The following CUL1 variants were observed in gnomAD, a reference collection of about 807,000 sequenced individuals.
The protein encoded by CUL1 is cullin 1.
CUL1 carries 24 observed loss-of-function variants against 118.0 expected under a neutral mutation model. The observed-to-expected ratio is 0.20, with a 90% CI of 0.15 to 0.29. CUL1 has a LOEUF of 0.29. Among genes scored for constraint, CUL1 ranks in the 10% least tolerant of loss-of-function variants. The pLI is 1.00. For synonymous variants in CUL1, 332 were observed against 340.4 expected (o/e 0.98, Z 0.27); for missense variants, 361 against 933.8 (o/e 0.39, Z 7.99).
chr7:148,786,875 T>C (rs1800832720), intron 12 of CUL1, 114 bp from the exon 13 acceptor site: 1 of 1,418,806 alleles, frequency 7.0e-7, no homozygotes, highest in Non-Finnish European at 9.5e-7. Flanking sequence ...CGTACAGACC[T>C]GCCCAAAGCC....
At chr7:148,773,499 G>A (rs1459930597) in intron 9 of CUL1, among the ~76,000 whole-genome samples, 1 of 152,184 alleles carries the variant, frequency 6.6e-6, no homozygotes, top group Non-Finnish European at 1.5e-5. Flanking sequence ...CACCATGGGT[G>A]GTACAGCCCT....
intron 1 of CUL1, among the ~76,000 whole-genome samples, chr7:148,707,356 C>CT (rs1294858141): frequency 3.0e-4 from 45 of 152,154 alleles, no homozygotes; most frequent in Middle Eastern, 6.8e-3. Context: ...TTGCTTCACC[C>CT]TAGTCCTTGT....
intron 16 of CUL1, 101 bp from the exon 17 acceptor site, chr7:148,792,625 G>T: frequency 3.0e-6 from 2 of 673,540 alleles, no homozygotes; most frequent in Non-Finnish European, 4.8e-6. Flanking sequence ...TAAAGAATTT[G>T]TTTCATAAAT....
chr7:148,747,732 G>A (rs1425233375), intron 2 of CUL1, among the ~76,000 whole-genome samples: 1 of 152,176 alleles, frequency 6.6e-6, no homozygotes, highest in Non-Finnish European at 1.5e-5. Flanking sequence ...AAACAAGACA[G>A]GTTTTTAAAA....
chr7:148,731,148 C>A (rs950206595), intron 2 of CUL1, among the ~76,000 whole-genome samples: 1 of 152,180 alleles, frequency 6.6e-6, no homozygotes, highest in African/African-American at 2.4e-5. Context: ...GGAAAAGATG[C>A]GGCTCCCACT....
At position 148,788,674 on chromosome 7, in the gene CUL1, T is replaced by C. The variant is rs752555137; in HGVS notation, c.1597T>C (p.Leu533=). 6.3e-7 allele frequency: 1 copy of C among 1,585,796 alleles called. No homozygotes were observed. The highest frequency in any genetic ancestry group is 8.7e-7 in the Non-Finnish European group (1 of 1,154,694). ...KHLTNSEPLD[L]DFSIQVLSSG... ...CTTGACAAACTCAGAACCCCTAGAC[T>C]GTGAGTATCCGTGTGTCTCTATGTT... Residue 533 remains leucine (L), a splice_region_variant and synonymous_variant, in exon 14 of 22, where the codon TTG becomes CTG. Coordinates refer to ENST00000325222, the MANE Select transcript of CUL1 (RefSeq NM_003592.3).
chr7:148,797,817 T>G lies in CUL1; in HGVS notation c.1905T>G (p.Ile635Met), dbSNP rs1052381286. 3 of 1,613,456 alleles carry G rather than the reference T, an allele frequency of 1.9e-6. No homozygotes were observed. Among genetic ancestry groups the G allele is most frequent in the Non-Finnish European group, 2.5e-6 (3 of 1,179,746 alleles). Residue 635 changes from isoleucine to methionine, a missense_variant, in exon 18 of 22, where the codon ATT becomes ATG. Transcript: ENST00000325222. Reference protein sequence around the residue: ...LTDSTQIKMDILAQVLQILLK... With the variant: ...LTDSTQIKMDMLAQVLQILLK... ...CTTTTTCTCTTTAATTGCAGGACAT[T>G]TTGGCGCAAGTTTTACAGATTTTAT...
chr7:148,751,684 G>A (rs1173959436), intron 2 of CUL1, among the ~76,000 whole-genome samples: 2 of 151,992 alleles, frequency 1.3e-5, no homozygotes, highest in Non-Finnish European at 2.9e-5. Context: ...AGGACTATTA[G>A]CAAGGTCCAC....
rs1352219411 is a variant in CUL1 at position 148,784,086 on chromosome 7, T to TGG, written c.1298+10_1298+11insGG. The TGG allele has an allele frequency of 6.2e-7, 1 of 1,600,338 alleles. No individual in the cohort carries two copies. Among genetic ancestry groups the TGG allele is most frequent in the Admixed American group, 1.7e-5 (1 of 59,994 alleles). ...TCCTTGTTGAAGAAAAGGTATTAAA[T>TGG]GACCCTATGTTTTCTTAGTATGCCT... On this transcript the variant is annotated intron_variant, in intron 11 of 21. Transcript: ENST00000325222.
chr7:148,793,042 C>A (rs1801069802), intron 17 of CUL1, among the ~76,000 whole-genome samples: 1 of 152,164 alleles, frequency 6.6e-6, no homozygotes, highest in Non-Finnish European at 1.5e-5. Flanking sequence ...TGCCTGTAGT[C>A]CCAGCTTCTT....
intron 1 of CUL1, among the ~76,000 whole-genome samples, chr7:148,710,440 A>G (rs539397924): frequency 6.6e-6 from 1 of 152,200 alleles, no homozygotes; most frequent in Admixed American, 6.5e-5. Flanking sequence ...ATGGTGGTGC[A>G]TGCCTGTAAT....
chr7:148,699,011 G>A lies in CUL1; in HGVS notation c.-180G>A, dbSNP rs921453346. ...GGCGGAGGCGTCGCGGGAGCCTTTGGGGCACCACAGAGATGCGGGTGAGTG... is the reference window on the plus strand; with the variant it reads ...GGCGGAGGCGTCGCGGGAGCCTTTGAGGCACCACAGAGATGCGGGTGAGTG... On this transcript the variant is annotated 5_prime_UTR_variant, in exon 1 of 22. Coordinates refer to ENST00000325222, the MANE Select transcript of CUL1 (RefSeq NM_003592.3). 2 of 154,578 alleles carry A rather than the reference G, an allele frequency of 1.3e-5. No homozygotes were observed. The highest frequency in any genetic ancestry group is 2.9e-5 in the Non-Finnish European group (2 of 69,546). 9.6% of individuals were successfully genotyped at this position (154,578 alleles called of 1,614,324 possible). A position where few individuals can be genotyped will look rare whatever the true frequency, so the allele number is the denominator to read the frequency against.
rs1323288404 is a variant in CUL1, at chr7:148,790,297, T to C, written c.1675-13T>C. 3 of 1,614,052 alleles carry C rather than the reference T, an allele frequency of 1.9e-6. No individual in the cohort carries two copies. Among genetic ancestry groups the C allele is most frequent in the East Asian group, 2.2e-5 (1 of 44,888 alleles). On this transcript the variant is annotated splice_polypyrimidine_tract_variant and intron_variant, in intron 15 of 21. Transcript: ENST00000325222. ...GAGATCTGTATTCCATATAATGCTG[T>C]CCTTTTATCTAGTTGGAACGTAGTT... is the stretch of plus-strand genomic sequence containing the variant.
At chr7:148,795,855 T>C (rs1801182029) in intron 17 of CUL1, among the ~76,000 whole-genome samples, 1 of 152,184 alleles carries the variant, frequency 6.6e-6, no homozygotes, top group African/African-American at 2.4e-5. Context: ...TTAGCTCTAA[T>C]TTATTAGCTC....
At chr7:148,762,168 C>T (rs1799851841) in intron 7 of CUL1, among the ~76,000 whole-genome samples, 1 of 152,156 alleles carries the variant, frequency 6.6e-6, no homozygotes, top group African/African-American at 2.4e-5. Flanking sequence ...GCCCTGTATT[C>T]CCTGTTCACT....
At chr7:148,770,625 G>A (rs1800176729) in intron 9 of CUL1, among the ~76,000 whole-genome samples, 2 of 152,164 alleles carry the variant, frequency 1.3e-5, no homozygotes, top group South Asian at 4.2e-4. Context: ...TGGTGCATGG[G>A]TTCCTCGTGC....
chr7:148,750,641 T>A (rs1042823305), intron 2 of CUL1, among the ~76,000 whole-genome samples: 4 of 152,158 alleles, frequency 2.6e-5, no homozygotes, highest in African/African-American at 7.2e-5. Context: ...CATCCTTTTT[T>A]ATGGCTGCAT....
intron 19 of CUL1, among the ~76,000 whole-genome samples, 187 bp downstream of exon 19, chr7:148,798,206 T>C (rs1317783354): frequency 6.6e-6 from 1 of 152,214 alleles, no homozygotes; most frequent in Non-Finnish European, 1.5e-5. Flanking sequence ...TCTCCAATTC[T>C]GAGCTTCTGG....
intron 1 of CUL1, among the ~76,000 whole-genome samples, chr7:148,724,721 G>A (rs1187747814): frequency 6.6e-6 from 1 of 152,214 alleles, no homozygotes; most frequent in Non-Finnish European, 1.5e-5. Flanking sequence ...TGGCACATCT[G>A]CAGGGTACAC....
Sources: gnomAD v4.1 joint callset for allele counts (sites outside exome capture counted in the v4.1 genomes callset) on GRCh38, gnomAD v4.1.1 for gene constraint, MANE v1.5 for transcripts, NCBI Gene and HGNC (gene_info 2026-07-23, HGNC 2026-07-21) for gene names.